Variants in MTRF1 observed in about 807,000 individuals in gnomAD.
MTRF1 encodes the protein peptide chain release factor 1, mitochondrial.
MTRF1 carries 51 observed loss-of-function variants against 62.9 expected under a neutral mutation model. The observed-to-expected ratio is 0.81, with a 90% CI of 0.65 to 1.02. MTRF1 has a LOEUF of 1.02. Among genes scored for constraint, MTRF1 ranks in the 50% least tolerant of loss-of-function variants. The probability of loss-of-function intolerance (pLI) is 0.00; values close to 1 mark genes in which losing one functional copy is unlikely to be tolerated. For synonymous variants in MTRF1, 158 were observed against 181.9 expected, an observed-to-expected ratio of 0.87 and a Z score of 1.06; for missense variants, 446 against 530.0, an observed-to-expected ratio of 0.84 and a Z score of 1.56.
At position 41,258,687 on chromosome 13, in the gene MTRF1, C is replaced by G. The variant is rs183738575; in HGVS notation, c.415+1806G>C. On this transcript the variant is annotated intron_variant, in intron 2 of 9. Coordinates refer to ENST00000379480, the MANE Select transcript of MTRF1 (RefSeq NM_004294.4). ...AAAATACGTCAGTCTTGTAAGAAAA[C>G]ACAGATGTAAACCTTTGTGCCCTTA... Among the ~76,000 whole-genome samples the G allele has an allele frequency of 8.6e-5, 13 of 151,564 alleles. No homozygotes were observed. In the East Asian group the frequency reaches 2.3e-3, roughly 27 times the overall value.
At chr13:41,306,188 C>T in the MTRF1 span, among the ~76,000 whole-genome samples, 67 of 152,180 alleles carry the variant, frequency 4.4e-4, no homozygotes, top group African/African-American at 1.5e-3. Flanking sequence ...CGAGACCATC[C>T]TGGCTAACAC....
At chr13:41,306,639 G>GA in the MTRF1 span, among the ~76,000 whole-genome samples, 12 of 152,304 alleles carry the variant, frequency 7.9e-5, no homozygotes, top group South Asian at 2.5e-3. Flanking sequence ...TTACTAGGCT[G>GA]AACGAGAAGA....
the MTRF1 span, among the ~76,000 whole-genome samples, chr13:41,293,774 T>C: frequency 6.6e-6 from 1 of 152,218 alleles, no homozygotes; most frequent in Non-Finnish European, 1.5e-5. Context: ...TTTCCATAAA[T>C]GAACTTTTAA....
chr13:41,276,965 A>T, the MTRF1 span, among the ~76,000 whole-genome samples: 1 of 152,036 alleles, frequency 6.6e-6, no homozygotes, highest in African/African-American at 2.4e-5. Flanking sequence ...CTATGATTTC[A>T]TCTCTGCCCC....
chr13:41,252,370 T>C (rs2039181719), intron 5 of MTRF1: 1 of 234,674 alleles, frequency 4.3e-6, no homozygotes. Context: ...AGAAAAATGA[T>C]TTTGAGGCAA....
intron 6 of MTRF1, among the ~76,000 whole-genome samples, chr13:41,234,708 G>A (rs552244679): frequency 4.6e-5 from 7 of 152,244 alleles, no homozygotes; most frequent in Admixed American, 1.3e-4. Context: ...ATCAACACCC[G>A]AGGCACTTCC....
At chr13:41,267,879 G>A (rs9594511), upstream of MTRF1, among the ~76,000 whole-genome samples, 13,819 of 151,072 alleles carry the variant, frequency 0.091, 863 homozygotes, top group African/African-American at 0.17. Flanking sequence ...AAAAAATGGC[G>A]ATCAAATTAA....
chr13:41,281,980 C>CA, the MTRF1 span, among the ~76,000 whole-genome samples: 4 of 151,278 alleles, frequency 2.6e-5, no homozygotes, highest in East Asian at 1.9e-4. Flanking sequence ...ACTAAAAATA[C>CA]AAAAAAAATT....
Position 41,255,447 on chromosome 13 carries a change from T to C in MTRF1, c.416-827A>G, listed in dbSNP as rs188949666. Among the ~76,000 whole-genome samples, 29 of 152,308 alleles carry C rather than the reference T, an allele frequency of 1.9e-4. No individual in the cohort carries two copies. The East Asian group carries it at 3.7e-3, about 19-fold the overall frequency. On this transcript the variant is annotated intron_variant, in intron 2 of 9. Transcript: ENST00000379480. Reference sequence around the variant, plus strand: ...TGACTAATGCCTGTAATCCCAGCACTTTGGGAGGCCAAGGCAGGCGGATCA... The same window carrying C: ...TGACTAATGCCTGTAATCCCAGCACCTTGGGAGGCCAAGGCAGGCGGATCA...
chr13:41,259,564 T>C (rs1485449569), intron 2 of MTRF1, among the ~76,000 whole-genome samples: 1 of 151,758 alleles, frequency 6.6e-6, no homozygotes, highest in Admixed American at 6.6e-5. Flanking sequence ...TAGCTGGGCA[T>C]GGTGGCAGGG....
At chr13:41,310,839 A>G in the MTRF1 span, among the ~76,000 whole-genome samples, 1 of 152,218 alleles carries the variant, frequency 6.6e-6, no homozygotes. Context: ...CTAAATGGGG[A>G]GAAATGCAAA....
the MTRF1 span, among the ~76,000 whole-genome samples, chr13:41,311,783 C>T: frequency 0.053 from 8,033 of 152,294 alleles, 284 homozygotes; most frequent in Non-Finnish European, 0.074. Flanking sequence ...CCGTGCGCTT[C>T]CTTTCCGCGG....
intron 6 of MTRF1, among the ~76,000 whole-genome samples, chr13:41,238,767 A>G (rs563909062): frequency 2.0e-5 from 3 of 152,318 alleles, no homozygotes; most frequent in African/African-American, 7.2e-5. Flanking sequence ...ACTAAGGTAC[A>G]CTAAAAGTGA....
intron 1 of MTRF1, among the ~76,000 whole-genome samples, chr13:41,263,077 T>G (rs1311201028): frequency 6.6e-6 from 1 of 152,160 alleles, no homozygotes; most frequent in Non-Finnish European, 1.5e-5. Context: ...CCCCCGTATT[T>G]CAAGCACGTT....
the MTRF1 span, among the ~76,000 whole-genome samples, chr13:41,310,504 C>T: frequency 6.6e-6 from 1 of 152,148 alleles, no homozygotes; most frequent in Non-Finnish European, 1.5e-5. Flanking sequence ...AAGCCTGTCT[C>T]TACTAAAAAT....
intron 6 of MTRF1, 25 bp downstream of exon 6, chr13:41,240,236 T>G (rs1291323072): frequency 1.9e-6 from 3 of 1,577,700 alleles, no homozygotes; most frequent in Non-Finnish European, 2.6e-6. Flanking sequence ...TGGAGTGAGT[T>G]TCCCTTGCCT....
At chr13:41,231,370 G>A (rs116129186) in intron 7 of MTRF1, among the ~76,000 whole-genome samples, 2,073 of 152,344 alleles carry the variant, frequency 0.014, 49 homozygotes, top group African/African-American at 0.047. Context: ...TCCTCAATCT[G>A]CAGAAGGCAG....
intron 7 of MTRF1, among the ~76,000 whole-genome samples, chr13:41,227,799 T>C (rs1433176877): frequency 6.6e-6 from 1 of 152,252 alleles, no homozygotes; most frequent in African/African-American, 2.4e-5. Flanking sequence ...CCTGTCTAAA[T>C]AAGCTACAGT....
intron 6 of MTRF1, among the ~76,000 whole-genome samples, chr13:41,240,044 T>C (rs1463398392): frequency 6.6e-6 from 1 of 151,908 alleles, no homozygotes; most frequent in East Asian, 1.9e-4. Flanking sequence ...GTACCTGTAA[T>C]TGCAGCTACT....
Sources: allele counts gnomAD v4.1 joint callset (sites outside exome capture counted in the v4.1 genomes callset), GRCh38; gene constraint gnomAD v4.1.1; transcripts MANE v1.5; gene names NCBI Gene and HGNC (gene_info 2026-07-23, HGNC 2026-07-21).